Variants in KCNIP4 observed in about 807,000 individuals in gnomAD.
KCNIP4 encodes the protein Kv channel-interacting protein 4.
A neutral mutation model predicts 34.0 loss-of-function variants in KCNIP4; 12 were observed. The ratio of observed to expected loss-of-function variants is 0.35; its 90% CI spans 0.23 to 0.57. The LOEUF (loss-of-function observed/expected upper bound fraction) is 0.57, where lower values mean the gene tolerates loss of function less well. Among genes scored for constraint, KCNIP4 ranks in the 20% least tolerant of loss-of-function variants. KCNIP4 has a pLI of 0.83. For missense variants in KCNIP4, 238 were observed against 311.7 expected (o/e 0.76, Z 1.78); for synonymous variants, 124 against 102.2 (o/e 1.21, Z -1.29).
At chr4:21,023,009 G>T (rs1044514425) in intron 1 of KCNIP4, among the ~76,000 whole-genome samples, 1 of 152,032 alleles carries the variant, frequency 6.6e-6, no homozygotes, top group Non-Finnish European at 1.5e-5. Context: ...TTTTAGTAGA[G>T]ACAGGGTTTC....
intron 1 of KCNIP4, among the ~76,000 whole-genome samples, chr4:20,903,281 G>T (rs531959651): frequency 6.6e-6 from 1 of 152,228 alleles, no homozygotes; most frequent in African/African-American, 2.4e-5. Flanking sequence ...GCAACCCTAT[G>T]TCTTTCTGTA....
intron 3 of KCNIP4, among the ~76,000 whole-genome samples, chr4:20,841,661 C>G (rs895220877): frequency 1.3e-5 from 2 of 151,942 alleles, no homozygotes; most frequent in African/African-American, 4.8e-5. Context: ...CCGTCTTAAT[C>G]TCTTGGACCA....
At chr4:20,872,179 T>C (rs1026937035) in intron 2 of KCNIP4, among the ~76,000 whole-genome samples, 4 of 152,262 alleles carry the variant, frequency 2.6e-5, no homozygotes, top group African/African-American at 9.6e-5. Context: ...ATGAAGAATA[T>C]GTCCACCTCT....
chr4:21,106,969 G>T (rs1352842552), intron 1 of KCNIP4, among the ~76,000 whole-genome samples: 1 of 150,392 alleles, frequency 6.6e-6, no homozygotes, highest in Non-Finnish European at 1.5e-5. Flanking sequence ...GAGACAGTTT[G>T]TTATAATTTC....
intron 1 of KCNIP4, among the ~76,000 whole-genome samples, chr4:21,893,904 T>C (rs1057479442): frequency 2.6e-5 from 4 of 152,178 alleles, no homozygotes; most frequent in Non-Finnish European, 4.4e-5. Flanking sequence ...TTTCCCTTAC[T>C]TCCTGCTTTA....
chr4:20,804,743 T>G (rs986853719), intron 3 of KCNIP4, among the ~76,000 whole-genome samples: 1 of 152,192 alleles, frequency 6.6e-6, no homozygotes, highest in Non-Finnish European at 1.5e-5. Flanking sequence ...AGAAATGTAT[T>G]TATTTACGGA....
chr4:21,289,751 G>A (rs957801531), intron 1 of KCNIP4, among the ~76,000 whole-genome samples: 3 of 151,992 alleles, frequency 2.0e-5, no homozygotes, highest in East Asian at 1.9e-4. Flanking sequence ...TCTTACCTAG[G>A]TTTTCACATG....
chr4:21,402,716 A>T lies in KCNIP4; in HGVS notation c.62-520007T>A, dbSNP rs1266711123. Among the ~76,000 whole-genome samples, 379 of 152,316 alleles carry T rather than the reference A, an allele frequency of 2.5e-3. 2 individuals are homozygous for T. Among genetic ancestry groups the T allele is most frequent in the Middle Eastern group, 0.01 (3 of 294 alleles). ...TACACAGCTTGCTCTCTCTGGTCAT[A>T]GATGCACAACCAGGATCTGATCTTA... On this transcript the variant is annotated intron_variant, in intron 1 of 8. Coordinates refer to ENST00000382152, the MANE Select transcript of KCNIP4 (RefSeq NM_025221.6).
At chr4:20,766,363 C>T (rs1041231417) in intron 3 of KCNIP4, among the ~76,000 whole-genome samples, 2 of 152,030 alleles carry the variant, frequency 1.3e-5, no homozygotes, top group African/African-American at 4.8e-5. Flanking sequence ...GAAATCAGTT[C>T]GAGACCAGCT....
At chr4:21,444,960 A>C (rs902006410) in intron 1 of KCNIP4, among the ~76,000 whole-genome samples, 16 of 152,318 alleles carry the variant, frequency 1.1e-4, no homozygotes, top group Non-Finnish European at 1.9e-4. Flanking sequence ...AAAAATCACA[A>C]GCATTCTTAT....
At chr4:21,885,493 G>C (rs1196257683) in intron 1 of KCNIP4, among the ~76,000 whole-genome samples, 1 of 152,038 alleles carries the variant, frequency 6.6e-6, no homozygotes, top group East Asian at 1.9e-4. Context: ...AGAACTGCAG[G>C]AAATAGAAAT....
At chr4:21,600,784 G>A (rs1577671979) in intron 1 of KCNIP4, among the ~76,000 whole-genome samples, 1 of 152,072 alleles carries the variant, frequency 6.6e-6, no homozygotes, top group Admixed American at 6.6e-5. Context: ...CAATACCCAT[G>A]TTGTATTTCA....
intron 1 of KCNIP4, among the ~76,000 whole-genome samples, chr4:21,692,339 G>A (rs1348077451): frequency 6.6e-6 from 1 of 152,182 alleles, no homozygotes; most frequent in African/African-American, 2.4e-5. Flanking sequence ...CAGAGATCAT[G>A]TAATCAGATT....
At chr4:21,069,987 G>A (rs575952634) in intron 1 of KCNIP4, among the ~76,000 whole-genome samples, 55 of 152,060 alleles carry the variant, frequency 3.6e-4, no homozygotes, top group African/African-American at 1.3e-3. Flanking sequence ...TTACAATCAC[G>A]TACCCAAACC....
intron 1 of KCNIP4, chr4:21,697,483 C>CAAG: frequency 6.6e-7 from 1 of 1,515,572 alleles, no homozygotes; most frequent in Non-Finnish European, 8.7e-7. Flanking sequence ...AAGTCTTTGC[C>CAAG]AATAATAATA....
chr4:21,534,151 G>A (rs997394606), intron 1 of KCNIP4, among the ~76,000 whole-genome samples: 1 of 152,088 alleles, frequency 6.6e-6, no homozygotes, highest in Non-Finnish European at 1.5e-5. Flanking sequence ...TGATAATTTG[G>A]TGTCAAATGC....
intron 1 of KCNIP4, among the ~76,000 whole-genome samples, chr4:21,351,737 G>T (rs979284975): frequency 3.3e-5 from 5 of 152,148 alleles, no homozygotes; most frequent in African/African-American, 7.2e-5. Context: ...ATGCACAGAG[G>T]TAAGACCATT....
chr4:21,557,304 C>T (rs1480162286), intron 1 of KCNIP4, among the ~76,000 whole-genome samples: 1 of 151,844 alleles, frequency 6.6e-6, no homozygotes, highest in African/African-American at 2.4e-5. Context: ...TGGATATTAC[C>T]GGAATCACAT....
intron 1 of KCNIP4, among the ~76,000 whole-genome samples, chr4:21,206,515 A>C (rs1051469528): frequency 1.3e-5 from 2 of 152,180 alleles, no homozygotes; most frequent in Non-Finnish European, 2.9e-5. Context: ...TTACTCATAC[A>C]TTCACTCTAT....
Sources: gnomAD v4.1 joint callset for allele counts (sites outside exome capture counted in the v4.1 genomes callset) on GRCh38, gnomAD v4.1.1 for gene constraint, MANE v1.5 for transcripts, NCBI Gene and HGNC (gene_info 2026-07-23, HGNC 2026-07-21) for gene names.